The following RASGRF2 variants were observed in gnomAD, a reference collection of about 807,000 sequenced individuals.
RASGRF2 encodes Ras protein specific guanine nucleotide releasing factor 2, also known as ras-specific guanine nucleotide-releasing factor 2.
A neutral mutation model predicts 151.0 loss-of-function variants in RASGRF2; 76 were observed. The ratio of observed to expected loss-of-function variants is 0.50; its 90% CI spans 0.42 to 0.61. The LOEUF is 0.61. Among genes scored for constraint, RASGRF2 ranks in the 20% least tolerant of loss-of-function variants. The pLI, the probability that RASGRF2 is intolerant of heterozygous loss-of-function variation, is 0.00. For synonymous variants in RASGRF2, 504 were observed against 566.5 expected (o/e 0.89, Z 1.57); for missense variants, 1,148 against 1,564.6 (o/e 0.73, Z 4.49).
chr5:81,224,208 C>T (rs577847198), intron 26 of RASGRF2, among the ~76,000 whole-genome samples: 19 of 152,228 alleles, frequency 1.2e-4, no homozygotes, highest in Admixed American at 1.2e-3. Flanking sequence ...TTTAAATGCT[C>T]AACTTCACTA....
rs183607644 is a variant in RASGRF2, at chr5:81,217,989, G to A, written c.3552+516G>A. Among the ~76,000 whole-genome samples, 856 of 152,160 alleles carry A rather than the reference G, an allele frequency of 5.6e-3. 3 individuals are homozygous for A. Among genetic ancestry groups the A allele is most frequent in the Non-Finnish European group, 9.2e-3 (627 of 67,984 alleles). On this transcript the variant is annotated intron_variant, in intron 25 of 26. Coordinates refer to ENST00000265080, the MANE Select transcript of RASGRF2 (RefSeq NM_006909.3). Reference sequence around the variant, plus strand: ...GATCTCCTGACCTCGTGATCTGCCCGCCTGGGACTCCCAAAGTGCTAGGAT... The same window carrying A: ...GATCTCCTGACCTCGTGATCTGCCCACCTGGGACTCCCAAAGTGCTAGGAT...
At chr5:81,009,144 A>T (rs1749372499) in intron 1 of RASGRF2, among the ~76,000 whole-genome samples, 1 of 152,194 alleles carries the variant, frequency 6.6e-6, no homozygotes, top group Non-Finnish European at 1.5e-5. Flanking sequence ...CTGTTTCCTC[A>T]TCTGTAAAAG....
At chr5:81,123,409 A>G (rs1753364822) in intron 15 of RASGRF2, among the ~76,000 whole-genome samples, 1 of 152,214 alleles carries the variant, frequency 6.6e-6, no homozygotes. Context: ...ATTTGACAGA[A>G]GGGGCTGGCC....
intron 17 of RASGRF2, among the ~76,000 whole-genome samples, chr5:81,130,053 C>T (rs1019695452): frequency 6.6e-6 from 1 of 152,216 alleles, no homozygotes; most frequent in Non-Finnish European, 1.5e-5. Flanking sequence ...CCAGCTCTTT[C>T]TCCCTTTTTG....
At chr5:81,055,750 T>C (rs1036787622) in intron 2 of RASGRF2, among the ~76,000 whole-genome samples, 95 of 152,274 alleles carry the variant, frequency 6.2e-4, no homozygotes, top group African/African-American at 2.1e-3. Flanking sequence ...GCTGTGAATC[T>C]GTCTGGTCCT....
intron 17 of RASGRF2, among the ~76,000 whole-genome samples, chr5:81,153,936 C>CAAAAA (rs556291739): frequency 0.014 from 1,811 of 125,444 alleles, 40 homozygotes; most frequent in African/African-American, 0.047. Flanking sequence ...ACTGTAAGAC[C>CAAAAA]AAAAAAAAAA....
intron 1 of RASGRF2, among the ~76,000 whole-genome samples, chr5:80,967,498 C>T (rs577409137): frequency 3.3e-5 from 5 of 152,076 alleles, no homozygotes; most frequent in Non-Finnish European, 7.4e-5. Flanking sequence ...TCTTATGATA[C>T]TTACCAGTAT....
intron 17 of RASGRF2, among the ~76,000 whole-genome samples, chr5:81,169,372 C>T (rs1754591710): frequency 6.6e-6 from 1 of 152,162 alleles, no homozygotes; most frequent in African/African-American, 2.4e-5. Flanking sequence ...GGCCAGAAGT[C>T]CAAAACCAAG....
rs183146602 is a variant in RASGRF2, at chr5:81,043,150, A to C, written c.395+167A>C. Among the ~76,000 whole-genome samples the C allele has an allele frequency of 8.7e-4, 133 of 152,318 alleles. 2 individuals carry two copies. The highest frequency in any genetic ancestry group is 3.4e-3 in the Middle Eastern group (1 of 294). On this transcript the variant is annotated intron_variant, in intron 2 of 26. Coordinates refer to ENST00000265080, the MANE Select transcript of RASGRF2 (RefSeq NM_006909.3). ...CATTATTTGAGCTTTCCATGGCTAC[A>C]TTCCAGCTAAAGATTAATGGTAATA...
chr5:81,200,764 A>G (rs1376601255), intron 18 of RASGRF2, among the ~76,000 whole-genome samples: 2 of 152,312 alleles, frequency 1.3e-5, no homozygotes, highest in East Asian at 1.9e-4. Flanking sequence ...AAAGCTCCCA[A>G]TCCCACTGGG....
chr5:80,967,259 A>G (rs1191709086), intron 1 of RASGRF2, among the ~76,000 whole-genome samples: 2 of 152,108 alleles, frequency 1.3e-5, no homozygotes, highest in African/African-American at 4.8e-5. Context: ...GTGGTGGAGC[A>G]TGCCTGTAAT....
intron 1 of RASGRF2, among the ~76,000 whole-genome samples, chr5:80,987,145 A>G (rs1243958477): frequency 6.6e-6 from 1 of 152,192 alleles, no homozygotes; most frequent in African/African-American, 2.4e-5. Context: ...TGGTCTCTGC[A>G]TAGTACTTAC....
chr5:81,209,765 C>T (rs1190005502), intron 22 of RASGRF2, among the ~76,000 whole-genome samples: 1 of 152,180 alleles, frequency 6.6e-6, no homozygotes, highest in Non-Finnish European at 1.5e-5. Context: ...ACCCACATGT[C>T]TCCTCTGCTG....
chr5:81,112,912 C>G, intron 14 of RASGRF2, 54 bp downstream of exon 14: 1 of 1,605,168 alleles, frequency 6.2e-7, no homozygotes, highest in Non-Finnish European at 8.5e-7. Flanking sequence ...CTCTTCGTTC[C>G]GGAGTCACCA....
intron 1 of RASGRF2, among the ~76,000 whole-genome samples, chr5:81,034,748 A>G (rs1018363113): frequency 8.2e-5 from 12 of 146,440 alleles, no homozygotes; most frequent in African/African-American, 2.3e-4. Flanking sequence ...AAATTGAACA[A>G]TGAGAACATA....
chr5:81,163,847 T>C (rs1754443738), intron 17 of RASGRF2, among the ~76,000 whole-genome samples: 1 of 152,120 alleles, frequency 6.6e-6, no homozygotes, highest in Non-Finnish European at 1.5e-5. Flanking sequence ...ACTGATGTGG[T>C]CACATCATCA....
chr5:80,976,871 A>G (rs17665269), intron 1 of RASGRF2, among the ~76,000 whole-genome samples: 41,270 of 152,022 alleles, frequency 0.27, 6,001 homozygotes, highest in Middle Eastern at 0.43. Flanking sequence ...CTAAGTTTCA[A>G]TCTCCCCAGG....
chr5:81,205,923 G>A (rs1161633539), intron 19 of RASGRF2, among the ~76,000 whole-genome samples: 1 of 152,030 alleles, frequency 6.6e-6, no homozygotes, highest in Non-Finnish European at 1.5e-5. Context: ...CTAATTTTTT[G>A]TATTTTTAGT....
intron 1 of RASGRF2, among the ~76,000 whole-genome samples, chr5:80,984,637 A>C (rs1426401569): frequency 6.6e-6 from 1 of 152,156 alleles, no homozygotes; most frequent in Non-Finnish European, 1.5e-5. Flanking sequence ...TATCATGTCT[A>C]ATCTTTGATC....
Sources: allele counts gnomAD v4.1 joint callset (sites outside exome capture counted in the v4.1 genomes callset), GRCh38; gene constraint gnomAD v4.1.1; transcripts MANE v1.5; gene names NCBI Gene and HGNC (gene_info 2026-07-23, HGNC 2026-07-21).